Variants in SDK2 observed in about 807,000 individuals in gnomAD.
SDK2 encodes the protein sidekick cell adhesion molecule 2.
Under a neutral mutation model 253.9 loss-of-function variants are expected in SDK2, and 105 were observed. That is an observed-to-expected ratio of 0.41 (90% CI 0.35 to 0.49). The LOEUF is 0.49. SDK2 is among the 20% of genes least tolerant of loss of function. The probability of loss-of-function intolerance (pLI) is 0.06; values close to 1 mark genes in which losing one functional copy is unlikely to be tolerated. For synonymous variants in SDK2, 1,249 were observed against 1,234.9 expected (o/e 1.01, Z -0.24); for missense variants, 2,608 against 3,003.0 (o/e 0.87, Z 3.07).
At chr17:73,378,243 C>T (rs112493109) in intron 36 of SDK2, among the ~76,000 whole-genome samples, 16 of 151,872 alleles carry the variant, frequency 1.1e-4, no homozygotes, top group Non-Finnish European at 1.9e-4. Flanking sequence ...GGACTATAGG[C>T]GCATGCCACC....
chr17:73,492,458 T>G (rs560589709), intron 2 of SDK2, among the ~76,000 whole-genome samples: 302 of 152,186 alleles, frequency 2.0e-3, no homozygotes, highest in Middle Eastern at 0.017. Flanking sequence ...TCTCTCTTAG[T>G]CACTAGTCTT....
intron 1 of SDK2, among the ~76,000 whole-genome samples, chr17:73,557,005 G>C (rs1203329634): frequency 1.3e-5 from 2 of 152,214 alleles, no homozygotes; most frequent in Non-Finnish European, 2.9e-5. Flanking sequence ...TCTAAGCTAG[G>C]CAAAGGCCAC....
chr17:73,548,488 C>T (rs960206018), intron 1 of SDK2, among the ~76,000 whole-genome samples: 7 of 152,252 alleles, frequency 4.6e-5, no homozygotes, highest in African/African-American at 1.4e-4. Flanking sequence ...GATTATTCCT[C>T]CTGGGGTGGG....
chr17:73,361,633 G>C lies in SDK2; in HGVS notation c.5467+51C>G. The C allele has an allele frequency of 1.9e-6, 3 of 1,577,646 alleles. No homozygotes were observed. Among genetic ancestry groups the C allele is most frequent in the South Asian group, 2.3e-5 (2 of 88,000 alleles). On this transcript the variant is annotated intron_variant, in intron 39 of 44. Coordinates refer to ENST00000392650, the MANE Select transcript of SDK2 (RefSeq NM_001144952.2). This position sits in a 1 kb window ranked among gnomAD's most constrained non-coding sequence, Gnocchi z 4.1. ...TGACACCGGGGGCCCCTTCTGACTG[G>C]GGACGCTGAACCGCCGTGTGGAAGA...
At chr17:73,411,969 C>T (rs12937865) in intron 18 of SDK2, among the ~76,000 whole-genome samples, 341 of 1,396 alleles carry the variant, frequency 0.24, 1 homozygote, top group Non-Finnish European at 0.34. Context: ...TATATATATA[C>T]GTATATATAT....
At chr17:73,373,106 C>T (rs941015416) in intron 36 of SDK2, among the ~76,000 whole-genome samples, 4 of 152,176 alleles carry the variant, frequency 2.6e-5, no homozygotes, top group Non-Finnish European at 4.4e-5. Context: ...TCCACATATA[C>T]GCGAGGTCAT....
Position 73,447,061 on chromosome 17 carries a change from T to A in SDK2, c.613+554A>T, listed in dbSNP as rs1045813241. On this transcript the variant is annotated intron_variant, in intron 5 of 44. Coordinates refer to ENST00000392650, the MANE Select transcript of SDK2 (RefSeq NM_001144952.2). The surrounding 1 kb of genome is among the most constrained non-coding windows in gnomAD (Gnocchi z 4.0). ...AGTTCTAGGGAGGGCTTTGCCCTTT[T>A]CGCCCAGGGAGCTGGAGGTGTCTGA... Among the ~76,000 whole-genome samples, 4 of 152,152 alleles carry A rather than the reference T, an allele frequency of 2.6e-5. No individual in the cohort carries two copies. The highest frequency in any genetic ancestry group is 9.7e-5 in the African/African-American group (4 of 41,436).
chr17:73,580,701 A>G (rs1482984142), intron 1 of SDK2, among the ~76,000 whole-genome samples: 1 of 152,260 alleles, frequency 6.6e-6, no homozygotes, highest in East Asian at 1.9e-4. Flanking sequence ...AAGAAGGAAA[A>G]AGGTTGGTAT....
chr17:73,508,732 G>A (rs1219560335), intron 1 of SDK2, among the ~76,000 whole-genome samples: 2 of 152,180 alleles, frequency 1.3e-5, no homozygotes, highest in South Asian at 2.1e-4. Flanking sequence ...ACAACTGGGC[G>A]GGAGGTGCTC....
intron 2 of SDK2, among the ~76,000 whole-genome samples, chr17:73,486,841 G>C (rs1160079076): frequency 1.3e-5 from 2 of 152,208 alleles, no homozygotes; most frequent in African/African-American, 4.8e-5. Context: ...GGGGCGGTGG[G>C]CTGGCGGTTC....
At chr17:73,505,836 C>T (rs1209410351) in intron 2 of SDK2, among the ~76,000 whole-genome samples, 2 of 152,236 alleles carry the variant, frequency 1.3e-5, no homozygotes, top group Non-Finnish European at 2.9e-5. Flanking sequence ...CCACCAATAG[C>T]TGGACCCTGT....
At chr17:73,567,010 A>G (rs943465162) in intron 1 of SDK2, among the ~76,000 whole-genome samples, 1 of 152,202 alleles carries the variant, frequency 6.6e-6, no homozygotes, top group Admixed American at 6.5e-5. Flanking sequence ...TTACATGACT[A>G]AACGGGAGTC....
chr17:73,582,316 C>A lies in SDK2; in HGVS notation c.64+61709G>T, dbSNP rs2045547293. 2.6e-5 allele frequency among the ~76,000 whole-genome samples: 4 copies of A among 151,376 alleles called. No individual in the cohort carries two copies. In the South Asian group the frequency reaches 8.4e-4, roughly 32 times the overall value. ...ACGCAGGCATCAGCATTTGGGGGCGCACACCACGCAGGCATCAGCATTTGG... is the reference window on the plus strand; with the variant it reads ...ACGCAGGCATCAGCATTTGGGGGCGAACACCACGCAGGCATCAGCATTTGG... On this transcript the variant is annotated intron_variant, in intron 1 of 44. Transcript: ENST00000392650.
intron 4 of SDK2, among the ~76,000 whole-genome samples, chr17:73,453,382 T>TC (rs1453328947): frequency 1.8e-4 from 27 of 151,308 alleles, no homozygotes; most frequent in African/African-American, 2.4e-5. Flanking sequence ...TTTTTTTTTT[T>TC]TTCTTTTTTT....
At chr17:73,366,710 C>T (rs2062688159) in intron 37 of SDK2, among the ~76,000 whole-genome samples, 1 of 152,124 alleles carries the variant, frequency 6.6e-6, no homozygotes, top group Non-Finnish European at 1.5e-5. Flanking sequence ...GACCCCGGCT[C>T]ATCGTGAGAT....
intron 1 of SDK2, among the ~76,000 whole-genome samples, chr17:73,536,588 G>T (rs1338470288): frequency 1.3e-5 from 2 of 152,218 alleles, no homozygotes; most frequent in Admixed American, 6.5e-5. Context: ...CACAGAGACA[G>T]CTGGGGCTGC....
In SDK2 at chr17:73,424,062, C is replaced by G. The variant is rs763974588; in HGVS notation, c.1614G>C (p.Leu538=). Reference sequence around the variant, plus strand: ...GGATACGAGGATGGCTCTCCGTGCCCAGGGTGGCCCCGTCCTTCTCCCAGA... The same window carrying G: ...GGATACGAGGATGGCTCTCCGTGCCGAGGGTGGCCCCGTCCTTCTCCCAGA... ...RYIWEKDGAT[L]GTESHPRIRL... is the part of the protein sequence containing the mutation. Residue 538 remains leucine (L), a synonymous_variant, in exon 13 of 45, where the codon CTG becomes CTC. Transcript: ENST00000392650. 2.7e-5 allele frequency: 43 copies of G among 1,612,924 alleles called. 1 individual carries two copies. In the South Asian group the frequency reaches 4.2e-4, roughly 16 times the overall value.
chr17:73,542,649 A>T (rs938637117), intron 1 of SDK2, among the ~76,000 whole-genome samples: 1 of 152,022 alleles, frequency 6.6e-6, no homozygotes, highest in African/African-American at 2.4e-5. Context: ...GGGGAGAGGG[A>T]GGACCCAGGG....
chr17:73,566,883 A>AT (rs892213340), intron 1 of SDK2, among the ~76,000 whole-genome samples: 2 of 152,070 alleles, frequency 1.3e-5, no homozygotes, highest in African/African-American at 4.8e-5. Flanking sequence ...AAAAAAAAAA[A>AT]AAAAGCAGAG....
Sources: gnomAD v4.1 joint callset for allele counts (sites outside exome capture counted in the v4.1 genomes callset) on GRCh38, gnomAD v4.1.1 for gene constraint, Gnocchi (gnomAD v3.1) non-coding constraint, MANE v1.5 for transcripts, NCBI Gene and HGNC (gene_info 2026-07-23, HGNC 2026-07-21) for gene names.